Variants in SGK3 observed in about 807,000 individuals in gnomAD.
The protein encoded by SGK3 is serum/glucocorticoid regulated kinase family member 3.
A neutral mutation model predicts 68.5 loss-of-function variants in SGK3; 47 were observed. That is an observed-to-expected ratio of 0.69 (90% CI 0.54 to 0.87). The LOEUF is 0.87. SGK3 is among the 40% of genes least tolerant of loss of function. SGK3 has a pLI of 0.00. For synonymous variants in SGK3, 181 were observed against 189.1 expected (o/e 0.96, Z 0.35); for missense variants, 479 against 575.5 (o/e 0.83, Z 1.72).
chr8:66,795,404 A>G (rs1055020434), intron 2 of SGK3, among the ~76,000 whole-genome samples: 25 of 152,282 alleles, frequency 1.6e-4, no homozygotes, highest in Admixed American at 1.6e-3. Context: ...GTATAAGCAA[A>G]TTTTTAGCAG....
At chr8:66,756,951 T>A (rs1257866572) in intron 1 of SGK3, among the ~76,000 whole-genome samples, 1 of 152,140 alleles carries the variant, frequency 6.6e-6, no homozygotes, top group Non-Finnish European at 1.5e-5. Flanking sequence ...TATTTATTGA[T>A]GACCCAGTCT....
At chr8:66,851,829 A>G (rs1044426771) in intron 16 of SGK3, among the ~76,000 whole-genome samples, 2 of 152,232 alleles carry the variant, frequency 1.3e-5, no homozygotes, top group African/African-American at 4.8e-5. Context: ...GTTAGTCACT[A>G]ATGATAGCTT....
At chr8:66,749,214 T>G (rs1049288699) in intron 1 of SGK3, among the ~76,000 whole-genome samples, 6 of 152,132 alleles carry the variant, frequency 3.9e-5, no homozygotes, top group African/African-American at 1.4e-4. Context: ...TGTTTCATCT[T>G]ATAGAAAAGT....
chr8:66,833,003 ATT>A (rs796444821), intron 8 of SGK3, among the ~76,000 whole-genome samples: 2 of 143,910 alleles, frequency 1.4e-5, no homozygotes, highest in Non-Finnish European at 3.1e-5. Flanking sequence ...TGTTTTTAGA[ATT>A]TTTTTTTTTT....
chr8:66,836,771 CTTTTTTT>C (rs35857638), intron 10 of SGK3, among the ~76,000 whole-genome samples: 5 of 118,104 alleles, frequency 4.2e-5, no homozygotes, highest in South Asian at 2.9e-4. Context: ...GTCAGGATAT[CTTTTTTT>C]TTTTTTTTTT....
rs146622527 is a variant in SGK3 at position 66,790,056 on chromosome 8, C to T, written c.-121-3560C>T. Among the ~76,000 whole-genome samples, 88 of 152,070 alleles carry T rather than the reference C, an allele frequency of 5.8e-4. 1 individual carries two copies. The highest frequency in any genetic ancestry group is 2.0e-3 in the African/African-American group (84 of 41,476). On this transcript the variant is annotated intron_variant, in intron 1 of 16. Transcript: ENST00000521198. ...TTGCGCCACTGCACTGCAGCCTAGG[C>T]AACAGAGTGAGACCCCATCTCAAAA... is the stretch of plus-strand genomic sequence containing the variant.
At chr8:66,795,320 C>T (rs993723422) in intron 2 of SGK3, among the ~76,000 whole-genome samples, 3 of 152,198 alleles carry the variant, frequency 2.0e-5, no homozygotes, top group Admixed American at 6.5e-5. Flanking sequence ...TTGCAATGTG[C>T]GTCTGACCAT....
In SGK3 at chr8:66,860,837, A is replaced by G. The variant is rs1810722597; in HGVS notation, c.*1256A>G. On this transcript the variant is annotated 3_prime_UTR_variant, in exon 17 of 17. Transcript: ENST00000521198. ...TTTGCCTAATTGGGAATTAAAAAGT[A>G]AAATAATAGGCCAGGCATGGTGGCT... The G allele has an allele frequency of 6.6e-6, 1 of 152,222 alleles. No homozygotes were observed. Among genetic ancestry groups the G allele is most frequent in the African/African-American group, 2.4e-5 (1 of 41,450 alleles). 9.4% of individuals were successfully genotyped at this position (152,222 alleles called of 1,614,324 possible).
At chr8:66,747,062 A>T (rs1805674162) in intron 1 of SGK3, among the ~76,000 whole-genome samples, 1 of 145,988 alleles carries the variant, frequency 6.8e-6, no homozygotes, top group Non-Finnish European at 1.5e-5. Flanking sequence ...TTCTCATTTC[A>T]AAAAAAAAAG....
chr8:66,846,308 T>C (rs368664940), intron 14 of SGK3, among the ~76,000 whole-genome samples: 39 of 152,280 alleles, frequency 2.6e-4, no homozygotes, highest in African/African-American at 8.7e-4. Context: ...ATTTTTTTTC[T>C]CAAAAGTTGT....
intron 1 of SGK3, among the ~76,000 whole-genome samples, chr8:66,792,184 T>G (rs1807487288): frequency 6.6e-6 from 1 of 151,858 alleles, no homozygotes; most frequent in Non-Finnish European, 1.5e-5. Flanking sequence ...ACAAAATTAG[T>G]TGGGCGTGGT....
Position 66,843,512 on chromosome 8 carries a change from C to T in SGK3, c.1039C>T (p.Leu347Phe), listed in dbSNP as rs1809877754. The T allele has an allele frequency of 6.8e-6, 11 of 1,613,892 alleles. No individual in the cohort carries two copies. The highest frequency in any genetic ancestry group is 9.3e-6 in the Non-Finnish European group (11 of 1,179,960). The change falls in exon 14 of 17, where the codon CTT (leucine) becomes TTT (phenylalanine). Residue 347 changes from leucine (L) to phenylalanine (F), a missense_variant. Transcript: ENST00000521198. The part of the protein sequence containing the change: ...PYDNTVDWWC[L>F]GAVLYEMLYG... The stretch of plus-strand genomic sequence containing the variant: ...TGACAATACTGTAGATTGGTGGTGC[C>T]TTGGGGCTGTTCTGTATGAAATGCT...
intron 16 of SGK3, among the ~76,000 whole-genome samples, chr8:66,854,731 A>G (rs565262575): frequency 1.3e-5 from 2 of 152,276 alleles, no homozygotes; most frequent in Non-Finnish European, 1.5e-5. Context: ...TATTTATGTT[A>G]TACATTTCCA....
At chr8:66,768,991 T>C (rs1190928282) in intron 1 of SGK3, among the ~76,000 whole-genome samples, 2 of 152,228 alleles carry the variant, frequency 1.3e-5, no homozygotes, top group African/African-American at 4.8e-5. Context: ...GTACTTTTAT[T>C]GTGATGTGCC....
intron 5 of SGK3, among the ~76,000 whole-genome samples, chr8:66,815,024 A>G (rs1344211824): frequency 1.3e-5 from 2 of 152,220 alleles, no homozygotes; most frequent in Non-Finnish European, 2.9e-5. Flanking sequence ...CCTATGGGCA[A>G]TGGTGTAAAT....
intron 1 of SGK3, among the ~76,000 whole-genome samples, chr8:66,738,919 T>C (rs118164693): frequency 0.012 from 1,754 of 152,218 alleles, 21 homozygotes; most frequent in Admixed American, 0.018. Flanking sequence ...CGTGAGTCAC[T>C]GCGCCCAGCC....
intron 6 of SGK3, 74 bp downstream of exon 6, chr8:66,822,533 T>A: frequency 7.1e-7 from 1 of 1,409,722 alleles, no homozygotes. Flanking sequence ...TTAGGACACT[T>A]ACTTCAAATG....
At chr8:66,838,926 T>C (rs575827628) in intron 10 of SGK3, among the ~76,000 whole-genome samples, 17 of 152,250 alleles carry the variant, frequency 1.1e-4, no homozygotes, top group Admixed American at 4.6e-4. Context: ...TAAAAACAAA[T>C]AAGTTTTATG....
At chr8:66,745,367 C>A (rs568557315) in intron 1 of SGK3, among the ~76,000 whole-genome samples, 4 of 151,808 alleles carry the variant, frequency 2.6e-5, no homozygotes, top group African/African-American at 4.8e-5. Context: ...GTCAGGAGAT[C>A]GAGACCATCC....
Sources: allele counts gnomAD v4.1 joint callset (sites outside exome capture counted in the v4.1 genomes callset), GRCh38; gene constraint gnomAD v4.1.1; transcripts MANE v1.5; gene names NCBI Gene and HGNC (gene_info 2026-07-23, HGNC 2026-07-21).